CAMK1D: variants seen among roughly 807,000 people sequenced by gnomAD.
CAMK1D encodes the protein calcium/calmodulin dependent protein kinase ID.
In CAMK1D, 9 loss-of-function variants were observed where a neutral mutation model predicts 47.7. The ratio of observed to expected loss-of-function variants is 0.19; its 90% CI spans 0.11 to 0.33. The LOEUF (loss-of-function observed/expected upper bound fraction) is 0.33. Among genes scored for constraint, CAMK1D ranks in the 10% least tolerant of loss-of-function variants. CAMK1D has a pLI of 1.00. For synonymous variants in CAMK1D, 184 were observed against 184.9 expected (o/e 0.99, Z 0.04); for missense variants, 291 against 488.7 (o/e 0.60, Z 3.81).
At chr10:12,459,432 G>T (rs908625064) in intron 1 of CAMK1D, among the ~76,000 whole-genome samples, 3 of 151,858 alleles carry the variant, frequency 2.0e-5, no homozygotes, top group Non-Finnish European at 2.9e-5. Flanking sequence ...TTACTGTGAC[G>T]AGTCTATTTT....
intron 4 of CAMK1D, 140 bp from the exon 5 acceptor site, chr10:12,769,533 G>C (rs75052813): frequency 1.2e-6 from 1 of 837,978 alleles, no homozygotes; most frequent in African/African-American, 1.7e-5. Context: ...ATTGGCCGCC[G>C]CTTTAGTTGA....
chr10:12,588,853 T>C (rs928666801), intron 2 of CAMK1D, among the ~76,000 whole-genome samples: 4 of 128,444 alleles, frequency 3.1e-5, no homozygotes, highest in Non-Finnish European at 6.4e-5. Flanking sequence ...TATATATACA[T>C]GTATATGTAT....
chr10:12,417,062 C>G (rs2768371), intron 1 of CAMK1D, among the ~76,000 whole-genome samples: 97,808 of 151,974 alleles, frequency 0.64, 31,511 homozygotes, highest in South Asian at 0.69. Context: ...CGAAGCCTCT[C>G]TGTCCTCATC....
chr10:12,811,470 A>G (rs1832603577), intron 6 of CAMK1D, among the ~76,000 whole-genome samples: 1 of 152,218 alleles, frequency 6.6e-6, no homozygotes, highest in Admixed American at 6.5e-5. Flanking sequence ...TACAATCCTT[A>G]CTTTTAAATC....
chr10:12,648,170 G>A (rs571507303), intron 2 of CAMK1D, among the ~76,000 whole-genome samples: 24 of 152,116 alleles, frequency 1.6e-4, no homozygotes, highest in Non-Finnish European at 3.2e-4. Context: ...TATATTCCAG[G>A]ACATACAGCC....
At chr10:12,391,961 C>T (rs1047616946) in intron 1 of CAMK1D, among the ~76,000 whole-genome samples, 1 of 144,144 alleles carries the variant, frequency 6.9e-6, no homozygotes, top group Non-Finnish European at 1.5e-5. Context: ...GATAGCAGAG[C>T]GAGACTTGTC....
At chr10:12,518,755 T>G (rs996571977) in intron 1 of CAMK1D, among the ~76,000 whole-genome samples, 2 of 97,428 alleles carry the variant, frequency 2.1e-5, no homozygotes, top group African/African-American at 7.5e-5. Flanking sequence ...CTTAATCCAT[T>G]TAACCCTGAG....
chr10:12,747,194 G>T (rs1182046398), intron 3 of CAMK1D, among the ~76,000 whole-genome samples: 2 of 152,010 alleles, frequency 1.3e-5, no homozygotes, highest in South Asian at 2.1e-4. Flanking sequence ...ACCAAGCCCA[G>T]CTAATTTTTG....
intron 9 of CAMK1D, among the ~76,000 whole-genome samples, chr10:12,825,062 G>T (rs1018957191): frequency 4.5e-5 from 1 of 22,458 alleles, no homozygotes; most frequent in African/African-American, 1.8e-4. Flanking sequence ...GGCCAATGGT[G>T]AAAGATGAGA....
chr10:12,450,078 C>G (rs1263071290), intron 1 of CAMK1D, among the ~76,000 whole-genome samples: 1 of 128,412 alleles, frequency 7.8e-6, no homozygotes, highest in African/African-American at 2.9e-5. Flanking sequence ...GTGTCAATCT[C>G]TGTTCCTTCA....
At chr10:12,618,043 A>G (rs1374063104) in intron 2 of CAMK1D, among the ~76,000 whole-genome samples, 2 of 144,086 alleles carry the variant, frequency 1.4e-5, no homozygotes, top group African/African-American at 5.2e-5. Flanking sequence ...AATCATTTAC[A>G]TATTTTGTAT....
chr10:12,743,763 C>T (rs1323527566), intron 3 of CAMK1D, among the ~76,000 whole-genome samples: 1 of 152,226 alleles, frequency 6.6e-6, no homozygotes, highest in Admixed American at 6.5e-5. Context: ...TGGCTCACGC[C>T]TGTAATCTCA....
intron 2 of CAMK1D, among the ~76,000 whole-genome samples, chr10:12,615,832 G>A (rs888117906): frequency 9.6e-5 from 14 of 146,496 alleles, no homozygotes; most frequent in South Asian, 2.3e-4. Flanking sequence ...ATATGTGTGC[G>A]TTCGTGTGTG....
At chr10:12,619,882 T>C (rs1041567164) in intron 2 of CAMK1D, among the ~76,000 whole-genome samples, 10 of 152,166 alleles carry the variant, frequency 6.6e-5, no homozygotes, top group African/African-American at 2.4e-4. Context: ...AGGTAACCTG[T>C]AGTCTCTTCC....
chr10:12,366,902 C>T (rs767157905), intron 1 of CAMK1D, among the ~76,000 whole-genome samples: 5 of 152,068 alleles, frequency 3.3e-5, no homozygotes, highest in African/African-American at 2.4e-5. Context: ...ATAGAGTCTT[C>T]GTGAGCACAG....
At chr10:12,376,162 CAAAAAAAAAAAAAAA>C (rs59804213) in intron 1 of CAMK1D, among the ~76,000 whole-genome samples, 1 of 59,988 alleles carries the variant, frequency 1.7e-5, no homozygotes, top group African/African-American at 7.7e-5. Context: ...GACTCTGTCC[CAAAAAAAAAAAAAAA>C]AAAAAAAAAA....
intron 3 of CAMK1D, among the ~76,000 whole-genome samples, chr10:12,716,323 C>T (rs965165805): frequency 1.3e-5 from 2 of 152,118 alleles, no homozygotes; most frequent in African/African-American, 2.4e-5. Context: ...GTAGCATCCC[C>T]GGTCTCCAAA....
At chr10:12,450,384 A>G (rs1160656552) in intron 1 of CAMK1D, among the ~76,000 whole-genome samples, 1 of 152,198 alleles carries the variant, frequency 6.6e-6, no homozygotes, top group South Asian at 2.1e-4. Context: ...ATAAGCGTGA[A>G]AGTTTTATGT....
At chr10:12,582,913 A>AGTCCAGGACGCG (rs1837704822) in intron 2 of CAMK1D, among the ~76,000 whole-genome samples, 11 of 152,310 alleles carry the variant, frequency 7.2e-5, no homozygotes, top group Admixed American at 5.2e-4. Flanking sequence ...TCCAGGACGC[A>AGTCCAGGACGCG]GAAGTCCTAG....
Sources: gnomAD v4.1 joint callset for allele counts (sites outside exome capture counted in the v4.1 genomes callset) on GRCh38, gnomAD v4.1.1 for gene constraint, MANE v1.5 for transcripts, NCBI Gene and HGNC (gene_info 2026-07-23, HGNC 2026-07-21) for gene names.